Variants in CCDC12 observed in about 807,000 individuals in gnomAD.
CCDC12 encodes the protein coiled-coil domain-containing protein 12.
CCDC12 carries 28 observed loss-of-function variants against 25.7 expected under a neutral mutation model. The ratio of observed to expected loss-of-function variants is 1.09; its 90% CI spans 0.81 to 1.50. CCDC12 has a LOEUF of 1.50. Ranked by LOEUF, CCDC12 falls within the 40% of genes most tolerant of loss-of-function variation. CCDC12 has a pLI of 0.00. For missense variants in CCDC12, 198 were observed against 210.0 expected, an observed-to-expected ratio of 0.94 and a Z score of 0.35; for synonymous variants, 75 against 87.7, an observed-to-expected ratio of 0.86 and a Z score of 0.81.
chr3:46,971,911 G>A (rs1226879757), intron 1 of CCDC12, among the ~76,000 whole-genome samples: 1 of 152,108 alleles, frequency 6.6e-6, no homozygotes, highest in Non-Finnish European at 1.5e-5. Context: ...TCTGAAGGAG[G>A]AGACTCAAGG....
upstream of CCDC12, among the ~76,000 whole-genome samples, chr3:46,981,111 C>G (rs180680402): frequency 3.9e-5 from 6 of 152,278 alleles, no homozygotes; most frequent in Non-Finnish European, 7.4e-5. Flanking sequence ...TAACTCAGAT[C>G]GAACTCGACT....
intron 1 of CCDC12, among the ~76,000 whole-genome samples, chr3:46,973,839 C>G (rs1178004339): frequency 6.6e-6 from 1 of 152,032 alleles, no homozygotes; most frequent in Non-Finnish European, 1.5e-5. Context: ...GTCTCGATCT[C>G]CTGACTTCGT....
upstream of CCDC12, chr3:46,977,103 A>C (rs116534419): frequency 5.0e-3 from 1,307 of 260,876 alleles, 18 homozygotes; most frequent in African/African-American, 0.027. Flanking sequence ...AACCACACTA[A>C]TCACTCCATG....
intron 1 of CCDC12, among the ~76,000 whole-genome samples, chr3:46,946,741 G>T (rs2033921941): frequency 6.6e-6 from 1 of 152,222 alleles, no homozygotes; most frequent in African/African-American, 2.4e-5. Flanking sequence ...GCCCCAGCCT[G>T]CTGCTGTCTG....
intron 4 of CCDC12, 30 bp from the exon 5 acceptor site, chr3:46,923,393 G>T (rs971476573): frequency 6.5e-7 from 1 of 1,534,070 alleles, no homozygotes; most frequent in African/African-American, 1.4e-5. Context: ...ACATCAGGGT[G>T]GAGGGGCCAC....
chr3:46,973,864 G>A (rs989450915), intron 1 of CCDC12, among the ~76,000 whole-genome samples: 3 of 151,928 alleles, frequency 2.0e-5, no homozygotes, highest in African/African-American at 7.3e-5. Context: ...TGCCCACCTC[G>A]GCTTCCCAAA....
chr3:46,972,311 A>C (rs1373304500), intron 1 of CCDC12, among the ~76,000 whole-genome samples: 1 of 152,166 alleles, frequency 6.6e-6, no homozygotes, highest in African/African-American at 2.4e-5. Flanking sequence ...CTCTACAAAA[A>C]ATTAATTTTT....
chr3:46,947,815 C>G (rs1212530686), intron 1 of CCDC12, among the ~76,000 whole-genome samples: 1 of 152,220 alleles, frequency 6.6e-6, no homozygotes, highest in African/African-American at 2.4e-5. Context: ...AATCCCAGCT[C>G]CATTTCATCT....
At chr3:46,926,695 G>A (rs1337059540) in intron 2 of CCDC12, among the ~76,000 whole-genome samples, 1 of 152,172 alleles carries the variant, frequency 6.6e-6, no homozygotes, top group Non-Finnish European at 1.5e-5. Flanking sequence ...CAGTGGGACA[G>A]ACCCCTAGCC....
chr3:46,968,917 T>C (rs983413967), intron 1 of CCDC12, among the ~76,000 whole-genome samples: 3 of 152,192 alleles, frequency 2.0e-5, no homozygotes, highest in Non-Finnish European at 4.4e-5. Flanking sequence ...TTCAAAGTCC[T>C]GCTTCAGGGA....
At chr3:46,960,968 G>C (rs1467825101) in intron 1 of CCDC12, among the ~76,000 whole-genome samples, 1 of 151,956 alleles carries the variant, frequency 6.6e-6, no homozygotes, top group Non-Finnish European at 1.5e-5. Flanking sequence ...GGCATGTGGA[G>C]GGGTGCTGTG....
chr3:46,924,607 C>A (rs372111066), intron 3 of CCDC12, among the ~76,000 whole-genome samples: 3 of 152,160 alleles, frequency 2.0e-5, no homozygotes, highest in Admixed American at 2.0e-4. Context: ...CACTTTGGGA[C>A]GCCAAGGCGG....
At chr3:46,947,744 A>G (rs763300805) in intron 1 of CCDC12, among the ~76,000 whole-genome samples, 3 of 152,204 alleles carry the variant, frequency 2.0e-5, no homozygotes, top group Non-Finnish European at 2.9e-5. Flanking sequence ...TTGCACCCAC[A>G]GGCCTGACAC....
At chr3:46,922,695 C>T in intron 5 of CCDC12, 1 of 325,966 alleles carries the variant, frequency 3.1e-6, no homozygotes, top group South Asian at 3.5e-5. Context: ...ACTGTGGGCA[C>T]CCAGAAGTGC....
intron 1 of CCDC12, among the ~76,000 whole-genome samples, chr3:46,975,691 C>T (rs186301194): frequency 2.0e-5 from 3 of 151,878 alleles, no homozygotes; most frequent in Admixed American, 1.3e-4. Context: ...CCACCACGCC[C>T]GGCTAATTTT....
rs77664552 is a variant in CCDC12 at position 46,958,654 on chromosome 3, C to T, written c.97-17589G>A. On this transcript the variant is annotated intron_variant, in intron 1 of 6. Coordinates refer to ENST00000683445, the MANE Select transcript of CCDC12 (RefSeq NM_001277074.2). Reference sequence around the variant, plus strand: ...ATTCCATTGTTCATCCAATCCCCAACGAGAACCCAAGATAAGGGCAGGGCA... The same window carrying T: ...ATTCCATTGTTCATCCAATCCCCAATGAGAACCCAAGATAAGGGCAGGGCA... Among the ~76,000 whole-genome samples the T allele has an allele frequency of 6.4e-3, 975 of 152,262 alleles. 10 individuals are homozygous for T. Among genetic ancestry groups the T allele is most frequent in the African/African-American group, 0.023 (950 of 41,538 alleles).
chr3:46,979,877 C>A (rs1356368302), upstream of CCDC12: 4 of 469,438 alleles, frequency 8.5e-6, no homozygotes, highest in Non-Finnish European at 1.5e-5. Flanking sequence ...CGCCTCGGAG[C>A]GGCTGTACGA....
rs921811475 is a variant in CCDC12, at chr3:46,964,516, A to G, written c.96+12121T>C. ...CGGTTTTGAGGAACAGAAAAGGGGG[A>G]AAGGTGGGGAAAAGATTGAGAAATC... is the stretch of plus-strand genomic sequence containing the variant. On this transcript the variant is annotated intron_variant, in intron 1 of 6. Transcript: ENST00000683445. 4.0e-3 allele frequency among the ~76,000 whole-genome samples: 605 copies of G among 152,194 alleles called. 12 individuals are homozygous for G. The highest frequency in any genetic ancestry group is 3.6e-3 in the Non-Finnish European group (245 of 67,942).
intron 1 of CCDC12, among the ~76,000 whole-genome samples, chr3:46,960,601 C>A (rs1036289658): frequency 1.3e-5 from 2 of 152,232 alleles, no homozygotes; most frequent in East Asian, 1.9e-4. Context: ...TGCCACAGGG[C>A]ACCGTTGCCG....
Sources: allele counts gnomAD v4.1 joint callset (sites outside exome capture counted in the v4.1 genomes callset), GRCh38; gene constraint gnomAD v4.1.1; transcripts MANE v1.5; gene names NCBI Gene and HGNC (gene_info 2026-07-23, HGNC 2026-07-21).